The following TBC1D10A variants were observed in gnomAD, a reference collection of about 807,000 sequenced individuals.
The protein encoded by TBC1D10A is TBC1 domain family member 10A.
In TBC1D10A, 24 loss-of-function variants were observed where a neutral mutation model predicts 52.9. The observed-to-expected ratio is 0.45, with a 90% CI of 0.33 to 0.64. The LOEUF is 0.64. Among genes scored for constraint, TBC1D10A ranks in the 30% least tolerant of loss-of-function variants. TBC1D10A has a pLI of 0.02. For synonymous variants in TBC1D10A, 278 were observed against 282.9 expected (o/e 0.98, Z 0.17); for missense variants, 602 against 687.9 (o/e 0.88, Z 1.40).
Position 30,312,329 on chromosome 22 carries a change from T to C in TBC1D10A, c.210-7699A>G, listed in dbSNP as rs565341540. ...CCCCTCCTCTGCCCAGACTCGTCCA[T>C]GGCTCCCTACTGCCCTCATTATCCA... On this transcript the variant is annotated intron_variant, in intron 1 of 8. Coordinates refer to ENST00000215790, the MANE Select transcript of TBC1D10A (RefSeq NM_031937.3). Among the ~76,000 whole-genome samples, 81 of 152,326 alleles carry C rather than the reference T, an allele frequency of 5.3e-4. 1 individual carries two copies. The highest frequency in any genetic ancestry group is 1.0e-3 in the Non-Finnish European group (68 of 68,022).
chr22:30,326,837 G>C lies in TBC1D10A; in HGVS notation c.45C>G (p.Ala15=). ...NGENGPRAPA[A]GESLSGTRES... ...CCCGGGTTCCCGACAGGCTTTCCCC[G>C]GCCGCGGGCGCGCGCGGCCCATTCT... The change falls in exon 1 of 9, where the codon GCC becomes GCG. Residue 15 remains alanine (A), a synonymous_variant. Coordinates refer to ENST00000215790, the MANE Select transcript of TBC1D10A (RefSeq NM_031937.3). 1 of 1,475,060 alleles carries C rather than the reference G, an allele frequency of 6.8e-7. No homozygotes were observed. The highest frequency in any genetic ancestry group is 8.9e-7 in the Non-Finnish European group (1 of 1,120,858). 91.4% of individuals were successfully genotyped at this position (1,475,060 alleles called of 1,614,324 possible).
intron 1 of TBC1D10A, among the ~76,000 whole-genome samples, chr22:30,325,547 G>A (rs1930750091): frequency 6.6e-6 from 1 of 152,140 alleles, no homozygotes; most frequent in African/African-American, 2.4e-5. Flanking sequence ...GCACAACACT[G>A]GTCTCACGTG....
At chr22:30,294,885 C>A in intron 5 of TBC1D10A, 24 bp from the exon 6 acceptor site, 2 of 1,614,128 alleles carry the variant, frequency 1.2e-6, no homozygotes, top group Non-Finnish European at 1.7e-6. Flanking sequence ...AGATGTGAGG[C>A]CTTGCCGTTG....
At position 30,292,361 on chromosome 22, in the gene TBC1D10A, C is replaced by G. The variant is rs1383463023; in HGVS notation, c.*14G>C. On this transcript the variant is annotated 3_prime_UTR_variant, in exon 9 of 9. Transcript: ENST00000215790. ...TATATGGAGACCCCGCCCTGGAGGC[C>G]TTAGCTGCCAGGGTTACAAGTAGGT... 6.6e-7 allele frequency: 1 copy of G among 1,524,872 alleles called. No homozygotes were observed. The highest frequency in any genetic ancestry group is 1.3e-5 in the South Asian group (1 of 76,884). 94.5% of individuals were successfully genotyped at this position (1,524,872 alleles called of 1,614,324 possible).
intron 1 of TBC1D10A, among the ~76,000 whole-genome samples, chr22:30,314,985 G>A (rs533901945): frequency 2.0e-5 from 3 of 152,244 alleles, no homozygotes; most frequent in South Asian, 2.1e-4. Context: ...GGAATCTTTC[G>A]GGATGCCCAC....
At chr22:30,303,072 G>A (rs1420576893) in intron 2 of TBC1D10A, among the ~76,000 whole-genome samples, 1 of 152,232 alleles carries the variant, frequency 6.6e-6, no homozygotes, top group African/African-American at 2.4e-5. Context: ...CTTGAGCTCA[G>A]GAGTTCCAGA....
intron 1 of TBC1D10A, among the ~76,000 whole-genome samples, chr22:30,315,733 G>A (rs1234362769): frequency 3.3e-5 from 5 of 152,322 alleles, no homozygotes; most frequent in African/African-American, 7.2e-5. Context: ...GGTCACTCAC[G>A]ACCCAGCTAC....
intron 1 of TBC1D10A, among the ~76,000 whole-genome samples, chr22:30,325,481 C>T (rs1188774893): frequency 3.3e-5 from 5 of 152,144 alleles, no homozygotes; most frequent in Non-Finnish European, 7.4e-5. Context: ...CCCAGGAGCT[C>T]CTACTGGTGA....
At chr22:30,299,686 G>A (rs1044298820) in intron 2 of TBC1D10A, 135 bp from the exon 3 acceptor site, 16 of 771,068 alleles carry the variant, frequency 2.1e-5, no homozygotes, top group South Asian at 9.0e-5. Flanking sequence ...GAGGACTTTC[G>A]CCGGGCAAGG....
chr22:30,313,476 C>G (rs769329807), intron 1 of TBC1D10A, among the ~76,000 whole-genome samples: 1 of 151,316 alleles, frequency 6.6e-6, no homozygotes, highest in Non-Finnish European at 1.5e-5. Context: ...CTCCGCCTCC[C>G]GGGTTCAAGC....
intron 1 of TBC1D10A, among the ~76,000 whole-genome samples, chr22:30,305,269 A>C (rs1930288560): frequency 6.6e-6 from 1 of 152,202 alleles, no homozygotes; most frequent in South Asian, 2.1e-4. Context: ...ACTGTGTTGC[A>C]GTGTTCTAGG....
intron 1 of TBC1D10A, among the ~76,000 whole-genome samples, chr22:30,320,341 C>G (rs969476583): frequency 3.3e-5 from 5 of 152,042 alleles, no homozygotes; most frequent in Non-Finnish European, 7.4e-5. Context: ...CCTGCTCTGC[C>G]CTCCATACTG....
In TBC1D10A at chr22:30,292,295, G is replaced by T; in HGVS notation, c.*80C>A. 1 of 1,308,574 alleles carries T rather than the reference G, an allele frequency of 7.6e-7. No homozygotes were observed. The highest frequency in any genetic ancestry group is 1.0e-6 in the Non-Finnish European group (1 of 963,288). The allele number at this position is 1,308,574 out of a possible 1,614,324, so 81.1% of individuals were successfully genotyped here. ...TGGCCAGGCAGCTTGGCCCTCAGAG[G>T]GTGGGCAGGATGTGGAATGTCAGTT... On this transcript the variant is annotated 3_prime_UTR_variant, in exon 9 of 9. Transcript: ENST00000215790.
intron 6 of TBC1D10A, 132 bp downstream of exon 6, chr22:30,294,664 G>T: frequency 1.7e-6 from 2 of 1,146,430 alleles, no homozygotes; most frequent in Non-Finnish European, 2.5e-6. Flanking sequence ...GGCAGGCCTT[G>T]GGACTTCAGC....
intron 1 of TBC1D10A, among the ~76,000 whole-genome samples, chr22:30,311,066 A>G (rs1930415555): frequency 6.6e-6 from 1 of 152,184 alleles, no homozygotes; most frequent in Non-Finnish European, 1.5e-5. Flanking sequence ...CTCCACCCAG[A>G]GCCTGAAAGT....
intron 1 of TBC1D10A, among the ~76,000 whole-genome samples, chr22:30,322,119 A>G (rs1465406656): frequency 2.0e-5 from 3 of 151,866 alleles, no homozygotes; most frequent in Admixed American, 6.6e-5. Context: ...AGCTGGGATT[A>G]TGGGCGTGAG....
At chr22:30,304,720 A>G (rs1308246695) in intron 1 of TBC1D10A, 90 bp from the exon 2 acceptor site, 2 of 1,532,482 alleles carry the variant, frequency 1.3e-6, no homozygotes, top group Non-Finnish European at 1.8e-6. Flanking sequence ...TCAGACCTCC[A>G]TTCTTCCTGC....
chr22:30,325,612 G>A (rs968752493), intron 1 of TBC1D10A, among the ~76,000 whole-genome samples: 3 of 152,074 alleles, frequency 2.0e-5, no homozygotes, highest in Admixed American at 6.5e-5. Flanking sequence ...TAAGGGGACC[G>A]CCAGCCTGTA....
At chr22:30,309,887 G>A (rs1394627562) in intron 1 of TBC1D10A, among the ~76,000 whole-genome samples, 1 of 152,186 alleles carries the variant, frequency 6.6e-6, no homozygotes, top group African/African-American at 2.4e-5. Flanking sequence ...TTCAGCAAGG[G>A]CAGTGTCCAT....
Sources: allele counts gnomAD v4.1 joint callset (sites outside exome capture counted in the v4.1 genomes callset), GRCh38; gene constraint gnomAD v4.1.1; transcripts MANE v1.5; gene names NCBI Gene and HGNC (gene_info 2026-07-23, HGNC 2026-07-21).